The following HAUS8 variants were observed in gnomAD, a reference collection of about 807,000 sequenced individuals.
The protein encoded by HAUS8 is HAUS augmin-like complex subunit 8.
A neutral mutation model predicts 42.9 loss-of-function variants in HAUS8; 38 were observed. The observed-to-expected ratio is 0.89, with a 90% CI of 0.68 to 1.16. The LOEUF (loss-of-function observed/expected upper bound fraction) is 1.16, where lower values mean the gene tolerates loss of function less well. Ranked by LOEUF, HAUS8 falls within the 50% of genes most tolerant of loss-of-function variation. The pLI, the probability that HAUS8 is intolerant of heterozygous loss-of-function variation, is 0.00. For missense variants in HAUS8, 494 were observed against 511.6 expected (o/e 0.97, Z 0.33); for synonymous variants, 199 against 205.8 (o/e 0.97, Z 0.28).
chr19:17,059,597 G>C lies in HAUS8; in HGVS notation c.380C>G (p.Pro127Arg). The change falls in exon 6 of 11, where the codon CCT (proline) becomes CGT (arginine). Residue 127 changes from proline to arginine, a missense_variant. Pro to Arg is a moderately radical substitution (Grantham distance 103). Transcript: ENST00000253669. Reference sequence around the variant, plus strand: ...AGGGGCAGAAAATGATGTTGACTCAGGTTTCTTTGATATTGTTTTTGCTAA... The same window carrying C: ...AGGGGCAGAAAATGATGTTGACTCACGTTTCTTTGATATTGTTTTTGCTAA... ...PQLAKTISKK[P>R]ESTSFSAPRK... The C allele has an allele frequency of 6.2e-7, 1 of 1,613,888 alleles. No individual in the cohort carries two copies. Among genetic ancestry groups the C allele is most frequent in the Non-Finnish European group, 8.5e-7 (1 of 1,179,904 alleles).
Position 17,062,745 on chromosome 19 carries a change from T to C in HAUS8, c.182A>G (p.Lys61Arg). Reference protein sequence around the residue: ...PAGDGSQTRGKMSEGGRKSSL... With the variant: ...PAGDGSQTRGRMSEGGRKSSL... ...GGATTTCCTTCCACCTTCAGACATC[T>C]TCCCTCGGGTCTGTGACCCATCTCC... Residue 61 changes from lysine to arginine, a missense_variant, in exon 4 of 11, where the codon AAG becomes AGG. Transcript: ENST00000253669. The C allele has an allele frequency of 6.2e-7, 1 of 1,614,150 alleles. No homozygotes were observed. Among genetic ancestry groups the C allele is most frequent in the South Asian group, 1.1e-5 (1 of 91,092 alleles).
At chr19:17,059,793 A>G (rs2057349208) in intron 5 of HAUS8, 142 bp from the exon 6 acceptor site, 1 of 687,074 alleles carries the variant, frequency 1.5e-6, no homozygotes, top group African/African-American at 1.8e-5. Flanking sequence ...CAGTCCAGTT[A>G]AAGTTGTTCA....
At chr19:17,051,769 G>A (rs2057288969) in intron 10 of HAUS8, 2 of 148,886 alleles carry the variant, frequency 1.3e-5, no homozygotes. Context: ...CCCAGGCTCA[G>A]ATGATTCTCC....
chr19:17,074,179 G>C (rs746066534), intron 1 of HAUS8: 15 of 152,486 alleles, frequency 9.8e-5, no homozygotes, highest in Non-Finnish European at 2.1e-4. Flanking sequence ...AGAAAAGAAG[G>C]GATCCAAGAA....
chr19:17,055,128 AAAAAAAAAAAAAAAAATATATATATAT>A (rs1568634761), intron 9 of HAUS8: 1 of 33,504 alleles, frequency 3.0e-5, no homozygotes, highest in African/African-American at 1.2e-4. Flanking sequence ...AAAAAAAAAA[AAAAAAAAAAAAAAAAATATATATATAT>A]ATATATATAT....
At chr19:17,054,472 T>C (rs559873361) in intron 9 of HAUS8, among the ~76,000 whole-genome samples, 2 of 148,512 alleles carry the variant, frequency 1.3e-5, no homozygotes, top group African/African-American at 2.5e-5. Flanking sequence ...CTGGGCAACA[T>C]AGCCACACCT....
chr19:17,055,188 A>G (rs1314406957), intron 9 of HAUS8: 2 of 76,458 alleles, frequency 2.6e-5, no homozygotes, highest in Non-Finnish European at 4.4e-5. Flanking sequence ...ATATATATAT[A>G]TATAAGCCAG....
intron 1 of HAUS8, 192 bp downstream of exon 1, chr19:17,075,202 G>A: frequency 1.6e-6 from 1 of 627,764 alleles, no homozygotes; most frequent in Non-Finnish European, 2.8e-6. Flanking sequence ...GCGGAACTCA[G>A]GGCCGGTCGG....
chr19:17,068,913 T>C (rs918075029), intron 3 of HAUS8, 118 bp downstream of exon 3: 2 of 858,910 alleles, frequency 2.3e-6, no homozygotes, highest in East Asian at 2.6e-5. Flanking sequence ...TGAGTGAAGA[T>C]CCCAAAATGC....
In HAUS8 at chr19:17,058,545, T is replaced by C. The variant is rs2123367410; in HGVS notation, c.645+4A>G. 6.3e-7 allele frequency: 1 copy of C among 1,590,084 alleles called. No individual in the cohort carries two copies. The highest frequency in any genetic ancestry group is 2.2e-5 in the East Asian group (1 of 44,660). On this transcript the variant is annotated splice_donor_region_variant and intron_variant, in intron 8 of 10. Transcript: ENST00000253669. ...CTGGTCACAGAGTGTCACTTACAAC[T>C]GACCTGGGCATCCAGGACATCTGCC...
intron 2 of HAUS8, among the ~76,000 whole-genome samples, 170 bp from the exon 3 acceptor site, chr19:17,069,256 C>T (rs548536614): frequency 1.7e-4 from 26 of 152,228 alleles, no homozygotes; most frequent in Middle Eastern, 3.4e-3. Flanking sequence ...CCTTCGGCAG[C>T]CTCAAGCATG....
At chr19:17,061,788 C>A (rs2057362373) in intron 4 of HAUS8, among the ~76,000 whole-genome samples, 1 of 152,284 alleles carries the variant, frequency 6.6e-6, no homozygotes, top group South Asian at 2.1e-4. Context: ...GGGTCAGAAT[C>A]GCCCTTGAGT....
intron 3 of HAUS8, among the ~76,000 whole-genome samples, chr19:17,063,619 G>A (rs1386250705): frequency 6.6e-6 from 1 of 152,216 alleles, no homozygotes; most frequent in Non-Finnish European, 1.5e-5. Flanking sequence ...GTGTCTGTGA[G>A]GGTGTTTACT....
chr19:17,055,926 T>C lies in HAUS8; in HGVS notation c.722A>G (p.Asp241Gly). 1 of 1,614,180 alleles carries C rather than the reference T, an allele frequency of 6.2e-7. No homozygotes were observed. ...EQYRTFATAL[D>G]TTRHELPVRS... ...CACGGGCAGCTCGTGCCTGGTAGTGTCCAGGGCCGTGGCGAATGTCCTGTA... is the reference window on the plus strand; with the variant it reads ...CACGGGCAGCTCGTGCCTGGTAGTGCCCAGGGCCGTGGCGAATGTCCTGTA... Residue 241 changes from aspartate (D) to glycine (G), a missense_variant, in exon 9 of 11, where the codon GAC becomes GGC. Coordinates refer to ENST00000253669, the MANE Select transcript of HAUS8 (RefSeq NM_033417.2).
intron 1 of HAUS8, chr19:17,074,918 T>A (rs1454081609): frequency 1.8e-5 from 3 of 163,936 alleles, no homozygotes; most frequent in Non-Finnish European, 4.0e-5. Flanking sequence ...TCCCTGGGTC[T>A]CCATCATCTC....
chr19:17,057,364 A>AT (rs796272638), intron 8 of HAUS8, among the ~76,000 whole-genome samples: 1 of 132,104 alleles, frequency 7.6e-6, no homozygotes, highest in African/African-American at 2.7e-5. Flanking sequence ...AAAAAAAAAA[A>AT]TTTTTTTGTA....
chr19:17,075,532 G>A (rs1324921699), upstream of HAUS8: 3 of 1,168,184 alleles, frequency 2.6e-6, no homozygotes, highest in Non-Finnish European at 2.5e-6. Context: ...TGGCTGCGAG[G>A]CGTGAGGCAG....
At chr19:17,057,373 T>C (rs2057332872) in intron 8 of HAUS8, among the ~76,000 whole-genome samples, 2 of 152,020 alleles carry the variant, frequency 1.3e-5, no homozygotes, top group African/African-American at 4.8e-5. Context: ...AATTTTTTTG[T>C]AGAGATTGGG....
rs753409121 is a variant in HAUS8, at chr19:17,049,945, G to A, written c.1161C>T (p.Ser387=). 8.3e-6 allele frequency: 13 copies of A among 1,557,068 alleles called. No individual in the cohort carries two copies. Among genetic ancestry groups the A allele is most frequent in the Admixed American group, 2.0e-5 (1 of 51,082 alleles). ...APAQATFISP[S]EDFSSSSQAE... ...CCTGGCTGCTTGAAGAAAAATCTTC[G>A]CTTGGGCTGATGAACGTGGCCTGAG... Residue 387 remains serine (S), a synonymous_variant, in exon 11 of 11, where the codon AGC becomes AGT. Coordinates refer to ENST00000253669, the MANE Select transcript of HAUS8 (RefSeq NM_033417.2).
Sources: gnomAD v4.1 joint callset for allele counts (sites outside exome capture counted in the v4.1 genomes callset) on GRCh38, gnomAD v4.1.1 for gene constraint, MANE v1.5 for transcripts, NCBI Gene and HGNC (gene_info 2026-07-23, HGNC 2026-07-21) for gene names.